The following CCDC171 variants were observed in gnomAD, a reference collection of about 807,000 sequenced individuals.
CCDC171 encodes the protein coiled-coil domain-containing protein 171.
A neutral mutation model predicts 168.2 loss-of-function variants in CCDC171; 177 were observed. The ratio of observed to expected loss-of-function variants is 1.05; its 90% CI spans 0.93 to 1.19. The LOEUF (loss-of-function observed/expected upper bound fraction) is 1.19. Among genes scored for constraint, CCDC171 ranks in the 50% most tolerant of loss-of-function variants. The pLI is 0.00. For synonymous variants in CCDC171, 687 were observed against 540.8 expected (o/e 1.27, Z -3.75); for missense variants, 1,991 against 1,539.0 (o/e 1.29, Z -4.91).
chr9:15,572,238 A>T (rs2131089349), intron 3 of CCDC171, among the ~76,000 whole-genome samples: 1 of 152,326 alleles, frequency 6.6e-6, no homozygotes, highest in Middle Eastern at 3.4e-3. Context: ...ATATGCATAT[A>T]GTCCAAGATA....
At chr9:15,582,160 A>G (rs1233915944) in intron 4 of CCDC171, among the ~76,000 whole-genome samples, 1 of 152,246 alleles carries the variant, frequency 6.6e-6, no homozygotes, top group Non-Finnish European at 1.5e-5. Context: ...TTATGCAACC[A>G]ACAAACATAT....
intron 7 of CCDC171, among the ~76,000 whole-genome samples, chr9:15,626,940 T>C (rs2045183462): frequency 6.6e-6 from 1 of 152,230 alleles, no homozygotes; most frequent in African/African-American, 2.4e-5. Context: ...TGAATCCATC[T>C]GGTCCTGGAC....
intron 4 of CCDC171, among the ~76,000 whole-genome samples, chr9:15,585,978 A>G (rs1000371771): frequency 2.0e-5 from 3 of 152,184 alleles, no homozygotes; most frequent in East Asian, 3.8e-4. Context: ...TCTGTCTCAA[A>G]AAAACAAAAC....
chr9:15,767,740 G>T (rs963453883), intron 18 of CCDC171, among the ~76,000 whole-genome samples: 2 of 149,756 alleles, frequency 1.3e-5, no homozygotes, highest in South Asian at 4.3e-4. Context: ...TATTACTCCT[G>T]TTTCTCCTCT....
At position 15,559,878 on chromosome 9, in the gene CCDC171, C is replaced by G. The variant is rs186850594; in HGVS notation, c.-111-4100C>G. ...TTTGCAGTGGCTGGTACCGGTTGTT[C>G]CTTTCCATGTTTAGTGCTTCCTTCA... On this transcript the variant is annotated intron_variant, in intron 1 of 25. Coordinates refer to ENST00000380701, the MANE Select transcript of CCDC171 (RefSeq NM_173550.4). Among the ~76,000 whole-genome samples, 1,223 of 152,064 alleles carry G rather than the reference C, an allele frequency of 8.0e-3. 11 individuals are homozygous for G. Among genetic ancestry groups the G allele is most frequent in the African/African-American group, 0.027 (1,132 of 41,494 alleles).
intron 3 of CCDC171, among the ~76,000 whole-genome samples, chr9:16,013,431 T>C (rs1322559854): frequency 6.6e-6 from 1 of 152,224 alleles, no homozygotes; most frequent in Non-Finnish European, 1.5e-5. Flanking sequence ...CTCTTCTATT[T>C]ACTCACTAAG....
intron 25 of CCDC171, among the ~76,000 whole-genome samples, chr9:15,967,637 A>G (rs1830934512): frequency 6.6e-6 from 1 of 152,178 alleles, no homozygotes. Context: ...CCAGCCCCTC[A>G]TTTGGATGGA....
intron 11 of CCDC171, 71 bp downstream of exon 11, chr9:15,695,408 C>G: frequency 8.9e-7 from 1 of 1,124,656 alleles, no homozygotes; most frequent in Non-Finnish European, 1.4e-6. Flanking sequence ...GGGAATTCTG[C>G]AGATGCCTCT....
chr9:15,666,226 G>A lies in CCDC171; in HGVS notation c.979G>A (p.Ala327Thr), dbSNP rs1183045698. The change falls in exon 9 of 26, where the codon GCT (alanine) becomes ACT (threonine). Residue 327 changes from alanine to threonine, a missense_variant. Physicochemically the swap from Ala to Thr is moderately conservative, Grantham distance 58 (BLOSUM62 0). Transcript: ENST00000380701. Reference protein sequence around the residue: ...VEKASQAEAVADLEIIKNEFK... With the variant: ...VEKASQAEAVTDLEIIKNEFK... ...GAAGGCCAGTCAAGCAGAAGCTGTT[G>A]CTGATTTGGAAATTATCAAGAATGA... The A allele has an allele frequency of 1.9e-6, 3 of 1,613,834 alleles. No homozygotes were observed. The highest frequency in any genetic ancestry group is 2.5e-6 in the Non-Finnish European group (3 of 1,179,868).
At chr9:15,708,916 A>G (rs1221378799) in intron 11 of CCDC171, among the ~76,000 whole-genome samples, 1 of 152,226 alleles carries the variant, frequency 6.6e-6, no homozygotes, top group Non-Finnish European at 1.5e-5. Context: ...GAATTTATAC[A>G]TACAGTCTTT....
At chr9:15,900,431 T>C (rs1027807361) in intron 24 of CCDC171, among the ~76,000 whole-genome samples, 1 of 152,160 alleles carries the variant, frequency 6.6e-6, no homozygotes, top group Non-Finnish European at 1.5e-5. Context: ...TTCTGCCAAC[T>C]TGAATGAGCT....
intron 1 of CCDC171, among the ~76,000 whole-genome samples, chr9:16,054,911 G>T (rs1232091158): frequency 6.6e-6 from 1 of 152,312 alleles, no homozygotes; most frequent in Non-Finnish European, 1.5e-5. Flanking sequence ...CACGCAGGGC[G>T]GGGGGCAGGT....
chr9:15,793,068 T>G (rs534847175), intron 21 of CCDC171, among the ~76,000 whole-genome samples: 1 of 152,226 alleles, frequency 6.6e-6, no homozygotes, highest in South Asian at 2.1e-4. Context: ...TGTGCTGTAT[T>G]CAGGAAACCC....
chr9:15,746,749 T>C (rs2055315497), intron 18 of CCDC171, among the ~76,000 whole-genome samples: 1 of 152,128 alleles, frequency 6.6e-6, no homozygotes, highest in Non-Finnish European at 1.5e-5. Context: ...TGAGACTGGT[T>C]GGACAGTGGG....
At chr9:15,558,056 G>A (rs1273484116) in intron 1 of CCDC171, among the ~76,000 whole-genome samples, 2 of 152,136 alleles carry the variant, frequency 1.3e-5, no homozygotes, top group African/African-American at 4.8e-5. Context: ...ATTTGCGTAT[G>A]TTGAACCAGC....
At chr9:16,017,059 T>G (rs1464525038) in intron 3 of CCDC171, among the ~76,000 whole-genome samples, 1 of 152,184 alleles carries the variant, frequency 6.6e-6, no homozygotes, top group Non-Finnish European at 1.5e-5. Flanking sequence ...ATGATGAACT[T>G]GAGCAGTAAA....
At chr9:15,983,033 CT>C (rs1379522305) in intron 3 of CCDC171, among the ~76,000 whole-genome samples, 1 of 152,158 alleles carries the variant, frequency 6.6e-6, no homozygotes, top group African/African-American at 2.4e-5. Flanking sequence ...CGTTCTTACC[CT>C]GGATTTCTTG....
intron 3 of CCDC171, among the ~76,000 whole-genome samples, chr9:16,016,330 A>T (rs983932616): frequency 2.6e-5 from 4 of 152,156 alleles, no homozygotes; most frequent in African/African-American, 7.2e-5. Context: ...ATTTACTTGC[A>T]GATTGCCTTC....
intron 11 of CCDC171, among the ~76,000 whole-genome samples, chr9:15,720,743 G>T (rs1293748017): frequency 1.3e-5 from 2 of 152,118 alleles, no homozygotes; most frequent in African/African-American, 2.4e-5. Context: ...ACAATGTGCA[G>T]GTTTGTTCCG....
Sources: gnomAD v4.1 joint callset for allele counts (sites outside exome capture counted in the v4.1 genomes callset) on GRCh38, gnomAD v4.1.1 for gene constraint, MANE v1.5 for transcripts, NCBI Gene and HGNC (gene_info 2026-07-23, HGNC 2026-07-21) for gene names.